The following THSD7B variants were observed in gnomAD, a reference collection of about 807,000 sequenced individuals.
THSD7B encodes thrombospondin type 1 domain containing 7B, also known as thrombospondin type-1 domain-containing protein 7B.
A neutral mutation model predicts 213.6 loss-of-function variants in THSD7B; 138 were observed. That is an observed-to-expected ratio of 0.65 (90% CI 0.56 to 0.74). The LOEUF is 0.74. THSD7B is among the 30% of genes least tolerant of loss of function. The pLI, the probability that THSD7B is intolerant of heterozygous loss-of-function variation, is 0.00. For missense variants in THSD7B, 1,931 were observed against 1,991.5 expected, an observed-to-expected ratio of 0.97 and a Z score of 0.58; for synonymous variants, 742 against 687.0, an observed-to-expected ratio of 1.08 and a Z score of -1.25.
intron 10 of THSD7B, among the ~76,000 whole-genome samples, chr2:137,263,868 C>G (rs1682513152): frequency 6.6e-6 from 1 of 152,090 alleles, no homozygotes; most frequent in African/African-American, 2.4e-5. Flanking sequence ...TTTTTTTAAG[C>G]ACTTAAGCCT....
intron 5 of THSD7B, among the ~76,000 whole-genome samples, chr2:137,143,365 A>G (rs1679630465): frequency 6.6e-6 from 1 of 152,152 alleles, no homozygotes; most frequent in African/African-American, 2.4e-5. Flanking sequence ...GGACTTTTTA[A>G]CAGTGCCTAG....
At chr2:136,998,955 C>T (rs1473766829) in intron 2 of THSD7B, among the ~76,000 whole-genome samples, 1 of 141,660 alleles carries the variant, frequency 7.1e-6, no homozygotes, top group Admixed American at 7.0e-5. Context: ...CACACACACA[C>T]ACACCCCTGC....
rs1164153972 is a variant in THSD7B at position 137,115,290 on chromosome 2, G to T, written c.1366G>T (p.Glu456Ter). The T allele has an allele frequency of 6.4e-7, 1 of 1,555,938 alleles. No homozygotes were observed. The highest frequency in any genetic ancestry group is 2.3e-5 in the East Asian group (1 of 43,192). The change falls in exon 5 of 28, where the codon GAA becomes TAA. Residue 456 changes from glutamate to a stop codon, truncating the protein, a stop_gained. Transcript: ENST00000409968. LOFTEE classifies it high-confidence loss of function. ...VPAAAALRAK[E>*]VSRPVEKALC... ...AGCAGCTGCCGCACTGAGGGCCAAG[G>T]AAGGTAGGCAGCCAGTTCCGGGACA...
chr2:136,859,642 CAAG>C (rs1683229266), intron 1 of THSD7B, among the ~76,000 whole-genome samples: 1 of 152,236 alleles, frequency 6.6e-6, no homozygotes, highest in East Asian at 1.9e-4. Context: ...CTGGTGTGTG[CAAG>C]GTATGCCCCT....
chr2:137,296,463 C>A (rs1683465713), intron 12 of THSD7B, among the ~76,000 whole-genome samples: 1 of 152,106 alleles, frequency 6.6e-6, no homozygotes, highest in African/African-American at 2.4e-5. Flanking sequence ...ATTAGCAAGG[C>A]TGTTGAAGCT....
intron 7 of THSD7B, among the ~76,000 whole-genome samples, chr2:137,219,405 A>G (rs1681318914): frequency 6.6e-6 from 1 of 152,166 alleles, no homozygotes; most frequent in Admixed American, 6.5e-5. Flanking sequence ...CAAAATGTAG[A>G]GGATCCAAAG....
intron 14 of THSD7B, among the ~76,000 whole-genome samples, chr2:137,435,110 T>C (rs573673001): frequency 6.6e-6 from 1 of 152,312 alleles, no homozygotes; most frequent in Admixed American, 6.5e-5. Context: ...TCTAAGACTA[T>C]CATGTCCCAG....
intron 10 of THSD7B, among the ~76,000 whole-genome samples, chr2:137,253,692 A>G (rs578129297): frequency 4.6e-5 from 7 of 152,166 alleles, no homozygotes; most frequent in African/African-American, 7.2e-5. Flanking sequence ...CTTTTGATGT[A>G]CTTCCTATGA....
chr2:137,115,001 A>T, intron 4 of THSD7B, 123 bp from the exon 5 acceptor site: 1 of 1,027,148 alleles, frequency 9.7e-7, no homozygotes, highest in African/African-American at 1.6e-5. Flanking sequence ...TTCTTTATCC[A>T]CAGGCAAAGA....
intron 2 of THSD7B, among the ~76,000 whole-genome samples, chr2:136,885,984 G>A (rs1000278060): frequency 1.3e-5 from 2 of 152,104 alleles, no homozygotes; most frequent in Non-Finnish European, 2.9e-5. Context: ...TGAGGGAAGT[G>A]AGGGAGCCAG....
At chr2:136,954,740 T>TAAAA (rs773677139) in intron 2 of THSD7B, among the ~76,000 whole-genome samples, 7 of 137,444 alleles carry the variant, frequency 5.1e-5, no homozygotes, top group African/African-American at 6.2e-5. Context: ...AAAAAGAAAT[T>TAAAA]ACATAAGAGC....
rs140301595 is a variant in THSD7B at position 137,457,248 on chromosome 2, C to T, written c.3138+6225C>T. ...AAGCAATTTTCCTGTATCTGTTGTC[C>T]ATGTAGTCTTACATTTTACTATATT... On this transcript the variant is annotated intron_variant, in intron 15 of 27. Coordinates refer to ENST00000409968, the MANE Select transcript of THSD7B (RefSeq NM_001316349.2). Among the ~76,000 whole-genome samples the T allele has an allele frequency of 1.1e-3, 172 of 152,238 alleles. 1 individual carries two copies. Among genetic ancestry groups the T allele is most frequent in the Admixed American group, 4.3e-3 (65 of 15,274 alleles).
At chr2:137,427,679 G>A (rs1687091067) in intron 14 of THSD7B, among the ~76,000 whole-genome samples, 1 of 152,096 alleles carries the variant, frequency 6.6e-6, no homozygotes, top group African/African-American at 2.4e-5. Flanking sequence ...GGTTACCAAG[G>A]GTTGGGTATT....
intron 1 of THSD7B, among the ~76,000 whole-genome samples, chr2:136,833,955 G>A (rs1300346499): frequency 6.6e-6 from 1 of 152,106 alleles, no homozygotes; most frequent in East Asian, 1.9e-4. Context: ...GATTTTTTTT[G>A]AGATTAATTC....
At chr2:137,546,463 A>ATT (rs1553459017) in intron 15 of THSD7B, among the ~76,000 whole-genome samples, 363 of 20,738 alleles carry the variant, frequency 0.018, 36 homozygotes, top group African/African-American at 0.035. Context: ...TATTATATAT[A>ATT]ATATATATAT....
At chr2:136,790,723 G>A (rs1455678461) in intron 1 of THSD7B, among the ~76,000 whole-genome samples, 2 of 152,008 alleles carry the variant, frequency 1.3e-5, no homozygotes, top group Non-Finnish European at 2.9e-5. Flanking sequence ...AATGTATCCA[G>A]GTTTTCCAGA....
chr2:137,606,618 G>A (rs537324906), intron 17 of THSD7B, among the ~76,000 whole-genome samples: 1 of 152,208 alleles, frequency 6.6e-6, no homozygotes, highest in South Asian at 2.1e-4. Context: ...TACTCTGCTG[G>A]CAGAGACTGG....
At chr2:137,434,035 A>C (rs902753197) in intron 14 of THSD7B, among the ~76,000 whole-genome samples, 14 of 152,190 alleles carry the variant, frequency 9.2e-5, no homozygotes, top group Admixed American at 3.9e-4. Flanking sequence ...TATCATCCCA[A>C]AATTTGATAA....
At chr2:137,335,758 A>AT (rs1322245109) in intron 12 of THSD7B, among the ~76,000 whole-genome samples, 8 of 152,248 alleles carry the variant, frequency 5.3e-5, no homozygotes, top group East Asian at 3.9e-4. Flanking sequence ...ATTTTAAGTG[A>AT]TTTTACCTGC....
Sources: allele counts gnomAD v4.1 joint callset (sites outside exome capture counted in the v4.1 genomes callset), GRCh38; gene constraint gnomAD v4.1.1; transcripts MANE v1.5; gene names NCBI Gene and HGNC (gene_info 2026-07-23, HGNC 2026-07-21).